The following COL24A1 variants were observed in gnomAD, a reference collection of about 807,000 sequenced individuals.
COL24A1 encodes collagen type XXIV alpha 1 chain, also known as collagen alpha-1(XXIV) chain.
Under a neutral mutation model 253.9 loss-of-function variants are expected in COL24A1, and 224 were observed. The observed-to-expected ratio is 0.88, with a 90% CI of 0.79 to 0.99. The LOEUF is 0.99. Among genes scored for constraint, COL24A1 ranks in the 50% least tolerant of loss-of-function variants. The pLI is 0.00. For missense variants in COL24A1, 2,131 were observed against 2,068.5 expected (o/e 1.03, Z -0.59); for synonymous variants, 685 against 673.7 (o/e 1.02, Z -0.26).
chr1:85,840,990 G>A (rs1316246363), intron 42 of COL24A1, among the ~76,000 whole-genome samples: 2 of 152,000 alleles, frequency 1.3e-5, no homozygotes, highest in African/African-American at 4.8e-5. Flanking sequence ...TTAGATTTGG[G>A]AAGTCACTAT....
intron 37 of COL24A1, among the ~76,000 whole-genome samples, chr1:85,856,007 G>A (rs1004449960): frequency 3.9e-5 from 6 of 152,024 alleles, no homozygotes; most frequent in African/African-American, 1.4e-4. Context: ...GTCTCTGAGG[G>A]TTTTTTGTAT....
At chr1:85,951,633 C>CT (rs1179189501) in intron 24 of COL24A1, among the ~76,000 whole-genome samples, 2 of 152,076 alleles carry the variant, frequency 1.3e-5, no homozygotes, top group Admixed American at 1.3e-4. Context: ...AATTTATATT[C>CT]TTAAAGCCTC....
At chr1:85,975,846 G>A (rs1248009799) in intron 20 of COL24A1, among the ~76,000 whole-genome samples, 1 of 152,134 alleles carries the variant, frequency 6.6e-6, no homozygotes, top group Non-Finnish European at 1.5e-5. Flanking sequence ...ATCCCCACTG[G>A]GGACCCTGAA....
chr1:86,014,573 A>G (rs1443730693), intron 19 of COL24A1, among the ~76,000 whole-genome samples: 1 of 148,536 alleles, frequency 6.7e-6, no homozygotes, highest in Non-Finnish European at 1.5e-5. Context: ...AAGCCAAAAC[A>G]TTATTTCCTG....
At chr1:86,025,047 A>G (rs1697892677) in intron 14 of COL24A1, among the ~76,000 whole-genome samples, 1 of 152,152 alleles carries the variant, frequency 6.6e-6, no homozygotes, top group South Asian at 2.1e-4. Flanking sequence ...TTAGAAAAAT[A>G]AAGAACTATA....
chr1:85,921,659 C>A (rs1259174267), intron 24 of COL24A1, among the ~76,000 whole-genome samples: 1 of 152,168 alleles, frequency 6.6e-6, no homozygotes, highest in Non-Finnish European at 1.5e-5. Flanking sequence ...AAAAACCCCA[C>A]CTGTAGGTCA....
chr1:85,952,793 A>G (rs1690059251), intron 24 of COL24A1, among the ~76,000 whole-genome samples: 1 of 151,982 alleles, frequency 6.6e-6, no homozygotes, highest in Non-Finnish European at 1.5e-5. Context: ...TAAAATATAT[A>G]CTCCCTGGCC....
intron 20 of COL24A1, among the ~76,000 whole-genome samples, chr1:85,983,208 T>C (rs1693415087): frequency 6.6e-6 from 1 of 151,986 alleles, no homozygotes; most frequent in Non-Finnish European, 1.5e-5. Flanking sequence ...ACAAATAAAT[T>C]ATTCCTCTGT....
intron 19 of COL24A1, among the ~76,000 whole-genome samples, chr1:86,007,748 TG>T (rs1403144861): frequency 3.3e-5 from 5 of 152,194 alleles, no homozygotes; most frequent in African/African-American, 9.7e-5. Context: ...CCTGACATTC[TG>T]GAAAAGGCAA....
intron 57 of COL24A1, among the ~76,000 whole-genome samples, chr1:85,742,566 T>C (rs888496949): frequency 6.6e-6 from 1 of 152,142 alleles, no homozygotes; most frequent in Non-Finnish European, 1.5e-5. Flanking sequence ...TGAACTTGAG[T>C]AGTCAACTAC....
At chr1:85,832,964 T>C (rs1675514806) in intron 43 of COL24A1, among the ~76,000 whole-genome samples, 2 of 151,710 alleles carry the variant, frequency 1.3e-5, no homozygotes, top group South Asian at 2.1e-4. Context: ...CAACACTATG[T>C]TGAATAGGAG....
intron 32 of COL24A1, 118 bp from the exon 33 acceptor site, chr1:85,877,293 A>AATAC: frequency 1.5e-6 from 1 of 645,502 alleles, no homozygotes; most frequent in Non-Finnish European, 2.5e-6. Flanking sequence ...GTAAATACAT[A>AATAC]ATACATTTAT....
At chr1:85,845,024 G>A (rs1361158244) in intron 39 of COL24A1, among the ~76,000 whole-genome samples, 3 of 151,804 alleles carry the variant, frequency 2.0e-5, no homozygotes, top group African/African-American at 7.2e-5. Context: ...AATGAAGAAC[G>A]ATGGAATGAA....
At chr1:85,870,115 G>A (rs952843800) in intron 35 of COL24A1, among the ~76,000 whole-genome samples, 2 of 152,142 alleles carry the variant, frequency 1.3e-5, no homozygotes, top group African/African-American at 4.8e-5. Flanking sequence ...ATTACATAAT[G>A]GTAAAAGGAT....
In COL24A1 at chr1:85,911,386, G is replaced by T; in HGVS notation, c.2610C>A (p.Gly870=). 1 of 1,609,552 alleles carries T rather than the reference G, an allele frequency of 6.2e-7. No individual in the cohort carries two copies. The highest frequency in any genetic ancestry group is 8.5e-7 in the Non-Finnish European group (1 of 1,178,010). The change falls in exon 25 of 60, where the codon GGC becomes GGA. Residue 870 remains glycine (G), a synonymous_variant. Transcript: ENST00000370571. ...PGEVGMTGSI[G]EKGERGSPGP... is the part of the protein sequence containing the mutation. Reference sequence around the variant, plus strand: ...ATAATTCTTAAAAAATTACCTTTTCGCCAATGCTTCCAGTCATCCCAACTT... The same window carrying T: ...ATAATTCTTAAAAAATTACCTTTTCTCCAATGCTTCCAGTCATCCCAACTT...
chr1:85,760,450 T>A (rs1262638870), intron 55 of COL24A1, among the ~76,000 whole-genome samples: 1 of 152,172 alleles, frequency 6.6e-6, no homozygotes, highest in Non-Finnish European at 1.5e-5. Context: ...AATGGGTCTC[T>A]TGTTTTCAAG....
At chr1:85,897,419 G>GA (rs60913041) in intron 28 of COL24A1, among the ~76,000 whole-genome samples, 2,532 of 131,330 alleles carry the variant, frequency 0.019, 79 homozygotes, top group African/African-American at 0.068. Flanking sequence ...AAAAATTGAA[G>GA]AAAAAAAAAG....
At chr1:86,036,840 G>T (rs940499912) in intron 12 of COL24A1, among the ~76,000 whole-genome samples, 1 of 152,020 alleles carries the variant, frequency 6.6e-6, no homozygotes, top group Non-Finnish European at 1.5e-5. Flanking sequence ...ATATTTTCCT[G>T]GTAGAAAATT....
chr1:85,829,251 C>T (rs1247722531), intron 43 of COL24A1, among the ~76,000 whole-genome samples: 1 of 151,878 alleles, frequency 6.6e-6, no homozygotes, highest in African/African-American at 2.4e-5. Flanking sequence ...GATATTGGCC[C>T]CCACTCTCTT....
Sources: allele counts gnomAD v4.1 joint callset (sites outside exome capture counted in the v4.1 genomes callset), GRCh38; gene constraint gnomAD v4.1.1; transcripts MANE v1.5; gene names NCBI Gene and HGNC (gene_info 2026-07-23, HGNC 2026-07-21).